TECPR1: variants seen among roughly 807,000 people sequenced by gnomAD.
The protein encoded by TECPR1 is tectonin beta-propeller repeat containing 1, also known as tectonin beta-propeller repeat-containing protein 1.
In TECPR1, 122 loss-of-function variants were observed where a neutral mutation model predicts 162.4. The observed-to-expected ratio is 0.75, with a 90% CI of 0.65 to 0.87. The LOEUF is 0.87. Among genes scored for constraint, TECPR1 ranks in the 40% least tolerant of loss-of-function variants. The pLI, the probability that TECPR1 is intolerant of heterozygous loss-of-function variation, is 0.00. For missense variants in TECPR1, 1,432 were observed against 1,618.2 expected (o/e 0.88, Z 1.97); for synonymous variants, 642 against 670.6 (o/e 0.96, Z 0.66).
chr7:98,248,614 G>A (rs1798973328), intron 2 of TECPR1, among the ~76,000 whole-genome samples: 1 of 150,500 alleles, frequency 6.6e-6, no homozygotes, highest in South Asian at 2.1e-4. Context: ...GGCCAAGGCG[G>A]ATGGATCACC....
intron 17 of TECPR1, among the ~76,000 whole-genome samples, chr7:98,226,924 CTG>C (rs1798292145): frequency 6.6e-6 from 1 of 151,652 alleles, no homozygotes; most frequent in Admixed American, 6.6e-5. Context: ...CAGAGTGAGA[CTG>C]TGTCTCAAAA....
Position 98,235,849 on chromosome 7 carries a change from A to AC in TECPR1, c.1181+926_1181+927insG, listed in dbSNP as rs1554401445. ...TCTCAAAAAAAAAAAAAAAAAAAAA[A>AC]AACACCATCTGAGCAGACTAAACCC... On this transcript the variant is annotated intron_variant, in intron 10 of 25. Coordinates refer to ENST00000447648, the MANE Select transcript of TECPR1 (RefSeq NM_015395.3). 1.7e-3 allele frequency among the ~76,000 whole-genome samples: 183 copies of AC among 110,342 alleles called. 13 individuals carry two copies. The highest frequency in any genetic ancestry group is 0.013 in the Middle Eastern group (2 of 152). The allele number at this position is 110,342 out of a possible 152,430, so 72.4% of individuals were successfully genotyped here.
chr7:98,233,660 G>C lies in TECPR1; in HGVS notation c.1433C>G (p.Pro478Arg), dbSNP rs201940141. 57 of 1,596,828 alleles carry C rather than the reference G, an allele frequency of 3.6e-5. No individual in the cohort carries two copies. The highest frequency in any genetic ancestry group is 3.3e-4 in the Middle Eastern group (2 of 6,002). Residue 478 changes from proline to arginine, a missense_variant, in exon 11 of 26, where the codon CCG (proline) becomes CGG (arginine). Pro to Arg is a moderately radical substitution (Grantham distance 103). Coordinates refer to ENST00000447648, the MANE Select transcript of TECPR1 (RefSeq NM_015395.3). ...REARPNTHPG[P>R]APTPAELPWT... is the part of the protein sequence containing the mutation. ...GGGCAGCTCGGCCGGGGTGGGGGCC[G>C]GGCCGGGGTGCGTGTTGGGTCTGGC...
At chr7:98,252,047 G>C (rs1799075305) in intron 1 of TECPR1, 79 bp downstream of exon 1, 1 of 152,572 alleles carries the variant, frequency 6.6e-6, no homozygotes, top group African/African-American at 2.4e-5. Flanking sequence ...GGGGAAGGCG[G>C]CGTGCCCAGC....
intron 10 of TECPR1, among the ~76,000 whole-genome samples, chr7:98,236,109 G>A (rs1798595394): frequency 6.6e-6 from 1 of 152,190 alleles, no homozygotes; most frequent in Non-Finnish European, 1.5e-5. Flanking sequence ...GATGTCCCCA[G>A]CTCATCCACT....
At chr7:98,225,630 T>C (rs887270262) in intron 17 of TECPR1, among the ~76,000 whole-genome samples, 1 of 152,066 alleles carries the variant, frequency 6.6e-6, no homozygotes, top group African/African-American at 2.4e-5. Flanking sequence ...TTCTTTCCCT[T>C]TCTCTCTTGC....
intron 19 of TECPR1, among the ~76,000 whole-genome samples, chr7:98,224,394 G>A (rs1187552821): frequency 6.6e-6 from 1 of 152,146 alleles, no homozygotes; most frequent in Admixed American, 6.5e-5. Context: ...CAACACTAAG[G>A]GCCTGGCTCA....
At chr7:98,219,671 G>A (rs974134536) in intron 23 of TECPR1, among the ~76,000 whole-genome samples, 1 of 152,210 alleles carries the variant, frequency 6.6e-6, no homozygotes, top group Non-Finnish European at 1.5e-5. Flanking sequence ...GGAGGCCAAG[G>A]CAGGCGGATC....
chr7:98,225,251 C>G, intron 17 of TECPR1, 149 bp from the exon 18 acceptor site: 1 of 748,004 alleles, frequency 1.3e-6, no homozygotes, highest in Non-Finnish European at 2.2e-6. Context: ...GAGGTGACAG[C>G]CTGCTGGGCA....
rs910178997 is a variant in TECPR1, at chr7:98,217,181, G to A, written c.*209C>T. On this transcript the variant is annotated 3_prime_UTR_variant, in exon 26 of 26. Transcript: ENST00000447648. ...CCACACCCCGGGACTCCTCGCAGAC[G>A]GGGACACGTGTGGGAGTGTCCGCGG... The A allele has an allele frequency of 5.3e-5, 28 of 529,366 alleles. No homozygotes were observed. Among genetic ancestry groups the A allele is most frequent in the South Asian group, 3.9e-4 (15 of 38,510 alleles). 32.8% of individuals were successfully genotyped at this position (529,366 alleles called of 1,614,324 possible). A position where few individuals can be genotyped will look rare whatever the true frequency, so the allele number is the denominator to read the frequency against.
rs1798903239 is a variant in TECPR1, at chr7:98,246,134, C to T, written c.13G>A (p.Val5Met). 6.5e-7 allele frequency: 1 copy of T among 1,545,512 alleles called. No individual in the cohort carries two copies. The highest frequency in any genetic ancestry group is 2.0e-5 in the Admixed American group (1 of 51,088). MPNS[V>M]LWAVDLFGRV... ...CCGAAGAGGTCCACCGCCCACAGCA[C>T]TGAGTTGGGCATGGCAGCGGCTGGA... is the stretch of plus-strand genomic sequence containing the variant. Residue 5 changes from valine (V) to methionine (M), a missense_variant, in exon 3 of 26, where the codon GTG (valine) becomes ATG (methionine). Physicochemically the swap from Val to Met is conservative, Grantham distance 21 (BLOSUM62 1). Transcript: ENST00000447648.
intron 4 of TECPR1, 46 bp from the exon 5 acceptor site, chr7:98,244,739 T>C (rs748566263): frequency 1.2e-5 from 19 of 1,589,442 alleles, no homozygotes; most frequent in Admixed American, 1.7e-5. Context: ...GGGAAGGCAT[T>C]TGAAGAGCTG....
chr7:98,251,871 C>T (rs991139086), intron 1 of TECPR1: 2 of 152,332 alleles, frequency 1.3e-5, no homozygotes, highest in Non-Finnish European at 2.9e-5. Context: ...TCCTATGGCT[C>T]CAGTCCAAAG....
At chr7:98,238,722 G>A (rs918423882) in intron 8 of TECPR1, 112 bp from the exon 9 acceptor site, 43 of 859,290 alleles carry the variant, frequency 5.0e-5, no homozygotes, top group South Asian at 5.0e-4. Context: ...GGTTCACGTC[G>A]CAAATGAGCA....
intron 10 of TECPR1, among the ~76,000 whole-genome samples, chr7:98,236,494 AG>A (rs886969837): frequency 2.6e-4 from 40 of 151,796 alleles, no homozygotes; most frequent in Non-Finnish European, 1.0e-4. Flanking sequence ...CCATCACGAC[AG>A]CCCAGCCTTA....
rs2116542461 is a variant in TECPR1, at chr7:98,223,675, T to A, written c.2734A>T (p.Arg912Trp). Residue 912 changes from arginine (R) to tryptophan (W), a missense_variant, in exon 20 of 26, where the codon AGG (arginine) becomes TGG (tryptophan). Physicochemically the swap from Arg to Trp is moderately radical, Grantham distance 101 (BLOSUM62 -3). Coordinates refer to ENST00000447648, the MANE Select transcript of TECPR1 (RefSeq NM_015395.3). Reference sequence around the variant, plus strand: ...GCCCTGCCTCACCTGGCCCAGCACCTCCTCCTCACAAAATCCTTCATCGTT... The same window carrying A: ...GCCCTGCCTCACCTGGCCCAGCACCACCTCCTCACAAAATCCTTCATCGTT... ...SKTMKDFVRRRCWARKCKLVT... is the reference protein window; with the variant it reads ...SKTMKDFVRRWCWARKCKLVT... 6.2e-7 allele frequency: 1 copy of A among 1,613,636 alleles called. No individual in the cohort carries two copies. Among genetic ancestry groups the A allele is most frequent in the Non-Finnish European group, 8.5e-7 (1 of 1,179,786 alleles).
intron 9 of TECPR1, 143 bp from the exon 10 acceptor site, chr7:98,237,064 G>A (rs1310329777): frequency 1.1e-6 from 1 of 909,186 alleles, no homozygotes; most frequent in East Asian, 3.1e-5. Flanking sequence ...GCTGTGTGGT[G>A]GGCACAGAAG....
chr7:98,225,204 C>A (rs1798250887), intron 17 of TECPR1, 102 bp from the exon 18 acceptor site: 3 of 1,150,018 alleles, frequency 2.6e-6, no homozygotes, highest in Non-Finnish European at 3.8e-6. Context: ...GAGCTCCAGT[C>A]TCAGAGCCAG....
At chr7:98,226,693 T>C in intron 17 of TECPR1, 1 of 1,213,652 alleles carries the variant, frequency 8.2e-7, no homozygotes, top group Non-Finnish European at 1.1e-6. Context: ...ATCTCAACAC[T>C]TTGGGAGGCT....
Sources: allele counts gnomAD v4.1 joint callset (sites outside exome capture counted in the v4.1 genomes callset), GRCh38; gene constraint gnomAD v4.1.1; transcripts MANE v1.5; gene names NCBI Gene and HGNC (gene_info 2026-07-23, HGNC 2026-07-21).